The following EHMT1 variants were observed in gnomAD, a reference collection of about 807,000 sequenced individuals.
EHMT1 encodes the protein histone-lysine N-methyltransferase EHMT1.
In EHMT1, 15 loss-of-function variants were observed where a neutral mutation model predicts 147.2. The observed-to-expected ratio is 0.10, with a 90% CI of 0.07 to 0.16. The LOEUF (loss-of-function observed/expected upper bound fraction) is 0.16, where lower values mean the gene tolerates loss of function less well. Ranked by LOEUF, EHMT1 falls within the 10% of genes least tolerant of loss-of-function variation. The pLI, the probability that EHMT1 is intolerant of heterozygous loss-of-function variation, is 1.00. For missense variants in EHMT1, 1,587 were observed against 1,772.4 expected, an observed-to-expected ratio of 0.90 and a Z score of 1.88; for synonymous variants, 795 against 709.6, an observed-to-expected ratio of 1.12 and a Z score of -1.91.
chr9:137,790,827 C>A (rs1316421718), intron 15 of EHMT1, 21 bp from the exon 16 acceptor site: 2 of 1,614,212 alleles, frequency 1.2e-6, no homozygotes, highest in South Asian at 1.1e-5. Flanking sequence ...CTCCCATACA[C>A]CTGAACTGTT....
At chr9:137,640,677 G>A (rs553449215) in intron 1 of EHMT1, among the ~76,000 whole-genome samples, 1 of 152,230 alleles carries the variant, frequency 6.6e-6, no homozygotes, top group South Asian at 2.1e-4. Context: ...CATTATAGGG[G>A]CCTGGCGCCC....
At chr9:137,825,772 G>A (rs570713426) in intron 25 of EHMT1, among the ~76,000 whole-genome samples, 5 of 152,142 alleles carry the variant, frequency 3.3e-5, no homozygotes, top group East Asian at 1.9e-4. Flanking sequence ...GTGTGTGCCC[G>A]TGTCATCACC....
chr9:137,774,284 G>A (rs1276113292), intron 10 of EHMT1, among the ~76,000 whole-genome samples: 1 of 152,266 alleles, frequency 6.6e-6, no homozygotes, highest in Admixed American at 6.5e-5. Flanking sequence ...TCTGGTAGGC[G>A]CATGTGAGTG....
chr9:137,619,350 C>T (rs1466569094), intron 1 of EHMT1, among the ~76,000 whole-genome samples: 1 of 151,090 alleles, frequency 6.6e-6, no homozygotes, highest in African/African-American at 2.4e-5. Context: ...CCCGCGCCCC[C>T]CACGGACCCC....
At chr9:137,727,561 C>G (rs1033386151) in intron 3 of EHMT1, among the ~76,000 whole-genome samples, 1 of 152,188 alleles carries the variant, frequency 6.6e-6, no homozygotes, top group South Asian at 2.1e-4. Flanking sequence ...TCGTTTAACA[C>G]TTTTTACTGT....
At chr9:137,824,232 T>C (rs1318872120) in intron 25 of EHMT1, among the ~76,000 whole-genome samples, 1 of 152,176 alleles carries the variant, frequency 6.6e-6, no homozygotes, top group Non-Finnish European at 1.5e-5. Context: ...CAGCCTGGCC[T>C]GTCTCTCAAA....
At chr9:137,807,217 C>T (rs1321706733) in intron 18 of EHMT1, among the ~76,000 whole-genome samples, 1 of 152,316 alleles carries the variant, frequency 6.6e-6, no homozygotes, top group East Asian at 1.9e-4. Flanking sequence ...CCACAGCTCA[C>T]TGGTGCTCTT....
intron 9 of EHMT1, among the ~76,000 whole-genome samples, chr9:137,760,075 G>A (rs904653046): frequency 6.6e-6 from 1 of 152,238 alleles, no homozygotes; most frequent in African/African-American, 2.4e-5. Context: ...GCAGCAACAG[G>A]AGGCAGAGGG....
At chr9:137,638,806 A>C (rs1844272465) in intron 1 of EHMT1, among the ~76,000 whole-genome samples, 1 of 152,134 alleles carries the variant, frequency 6.6e-6, no homozygotes, top group Admixed American at 6.6e-5. Flanking sequence ...GCGGACACAC[A>C]GGGAGAAGTG....
intron 16 of EHMT1, among the ~76,000 whole-genome samples, chr9:137,796,146 G>A (rs1311960587): frequency 6.6e-6 from 1 of 152,202 alleles, no homozygotes; most frequent in African/African-American, 2.4e-5. Flanking sequence ...CTGGAGAAGC[G>A]CGCTTGCACG....
At chr9:137,626,300 T>TA (rs769280387) in intron 1 of EHMT1, among the ~76,000 whole-genome samples, 5 of 151,984 alleles carry the variant, frequency 3.3e-5, no homozygotes, top group East Asian at 1.9e-4. Flanking sequence ...TTAAAGTTAT[T>TA]AAAAAACTAT....
chr9:137,682,742 G>A (rs922988493), intron 1 of EHMT1, among the ~76,000 whole-genome samples: 6 of 152,212 alleles, frequency 3.9e-5, no homozygotes, highest in Non-Finnish European at 7.3e-5. Context: ...AACCCCCTGA[G>A]GATGACGGCT....
chr9:137,781,866 G>A (rs544002953), intron 14 of EHMT1, among the ~76,000 whole-genome samples: 69 of 152,292 alleles, frequency 4.5e-4, no homozygotes, highest in Non-Finnish European at 6.5e-4. Flanking sequence ...TCACTGCTCC[G>A]TTGCTCACCG....
intron 10 of EHMT1, among the ~76,000 whole-genome samples, chr9:137,767,174 C>T (rs1950271326): frequency 6.6e-6 from 1 of 152,188 alleles, no homozygotes. Flanking sequence ...GGCTGGAGTG[C>T]AGCGGTGCAG....
intron 1 of EHMT1, among the ~76,000 whole-genome samples, chr9:137,693,062 A>G (rs1406474770): frequency 6.6e-6 from 1 of 152,142 alleles, no homozygotes. Context: ...CAGCATGGCA[A>G]TAATAAGACT....
chr9:137,697,355 T>TG (rs1309436678), intron 1 of EHMT1, among the ~76,000 whole-genome samples: 2 of 152,182 alleles, frequency 1.3e-5, no homozygotes, highest in Admixed American at 6.5e-5. Context: ...CATGTTTCTG[T>TG]GGGGGTCTCT....
At position 137,716,997 on chromosome 9, in the gene EHMT1, A is replaced by G. The variant is rs374172429; in HGVS notation, c.457A>G (p.Lys153Glu). The change falls in exon 3 of 27, where the codon AAA (lysine) becomes GAA (glutamate). Residue 153 changes from lysine to glutamate, a missense_variant. By Grantham distance (56) the Lys-to-Glu change is moderately conservative. This residue lies in a region of EHMT1 where 810 missense variants were observed against 673.0 expected (regional missense o/e 1.20). Transcript: ENST00000460843. ...LASSLPGHAA[K>E]TLPGGAGKGR... ...CTCTTCGCTGCCTGGCCATGCTGCA[A>G]AAACCCTTCCTGGAGGGGCTGGCAA... The G allele has an allele frequency of 1.9e-6, 3 of 1,608,520 alleles. No individual in the cohort carries two copies. The highest frequency in any genetic ancestry group is 1.7e-5 in the Admixed American group (1 of 59,792).
chr9:137,654,770 A>C (rs984418034), intron 1 of EHMT1, among the ~76,000 whole-genome samples: 1 of 152,178 alleles, frequency 6.6e-6, no homozygotes, highest in Non-Finnish European at 1.5e-5. Context: ...TTATCTGGAC[A>C]GACACCAGGA....
At chr9:137,722,660 G>A (rs1308832948) in intron 3 of EHMT1, among the ~76,000 whole-genome samples, 1 of 151,878 alleles carries the variant, frequency 6.6e-6, no homozygotes, top group Non-Finnish European at 1.5e-5. Context: ...GTGCGGCAGA[G>A]ACTGTGGGTG....
Sources: allele counts gnomAD v4.1 joint callset (sites outside exome capture counted in the v4.1 genomes callset), GRCh38; gene constraint gnomAD v4.1.1; regional missense constraint gnomAD v4.1.1; transcripts MANE v1.5; gene names NCBI Gene and HGNC (gene_info 2026-07-23, HGNC 2026-07-21).